The following LDB2 variants were observed in gnomAD, a reference collection of about 807,000 sequenced individuals.
LDB2 encodes the protein LIM domain binding 2, also known as LIM domain-binding protein 2.
A neutral mutation model predicts 44.3 loss-of-function variants in LDB2; 12 were observed. The observed-to-expected ratio is 0.27, with a 90% CI of 0.17 to 0.44. LDB2 has a LOEUF of 0.44. Ranked by LOEUF, LDB2 falls within the 20% of genes least tolerant of loss-of-function variation. The pLI, the probability that LDB2 is intolerant of heterozygous loss-of-function variation, is 1.00. For synonymous variants in LDB2, 164 were observed against 174.8 expected, an observed-to-expected ratio of 0.94 and a Z score of 0.49; for missense variants, 344 against 473.5, an observed-to-expected ratio of 0.73 and a Z score of 2.54.
At chr4:16,559,300 G>T (rs1041929981) in intron 5 of LDB2, among the ~76,000 whole-genome samples, 3 of 152,168 alleles carry the variant, frequency 2.0e-5, no homozygotes, top group Non-Finnish European at 2.9e-5. Flanking sequence ...ATCCATCAGT[G>T]TGCTGTATTT....
intron 2 of LDB2, among the ~76,000 whole-genome samples, chr4:16,689,092 A>AG (rs1233443781): frequency 3.3e-5 from 5 of 152,204 alleles, no homozygotes; most frequent in Non-Finnish European, 2.9e-5. Context: ...TGGTGATGGA[A>AG]GGGAAAGACA....
intron 2 of LDB2, among the ~76,000 whole-genome samples, chr4:16,658,655 T>C (rs1740600175): frequency 6.6e-6 from 1 of 152,128 alleles, no homozygotes; most frequent in Non-Finnish European, 1.5e-5. Context: ...GACAAACAAA[T>C]ATGCAGGCCA....
At chr4:16,505,733 A>C in intron 7 of LDB2, 2 of 1,102,268 alleles carry the variant, frequency 1.8e-6, no homozygotes, top group East Asian at 2.7e-5. Flanking sequence ...ATATGCCCTC[A>C]GCTCCCCACA....
intron 1 of LDB2, among the ~76,000 whole-genome samples, chr4:16,781,648 CTT>C (rs1237707152): frequency 6.6e-6 from 1 of 152,108 alleles, no homozygotes; most frequent in African/African-American, 2.4e-5. Flanking sequence ...AGTTAAGTAT[CTT>C]TTTCAGAATA....
intron 2 of LDB2, chr4:16,750,708 T>C (rs769022457): frequency 1.3e-5 from 2 of 152,340 alleles, no homozygotes; most frequent in South Asian, 2.1e-4. Flanking sequence ...GGATGCTCAG[T>C]TAAACTTGAG....
intron 2 of LDB2, among the ~76,000 whole-genome samples, chr4:16,706,913 T>C (rs540842885): frequency 1.6e-4 from 24 of 152,302 alleles, no homozygotes; most frequent in Non-Finnish European, 2.8e-4. Context: ...TGTACGAGCA[T>C]AGCCTTTGTT....
At chr4:16,558,552 G>T (rs954263753) in intron 5 of LDB2, among the ~76,000 whole-genome samples, 8 of 152,204 alleles carry the variant, frequency 5.3e-5, no homozygotes, top group Non-Finnish European at 8.8e-5. Context: ...AAGAAATATG[G>T]CACTATGTGA....
At position 16,717,735 on chromosome 4, in the gene LDB2, G is replaced by A. The variant is rs189138745; in HGVS notation, c.235+41423C>T. On this transcript the variant is annotated intron_variant, in intron 2 of 7. Coordinates refer to ENST00000304523, the MANE Select transcript of LDB2 (RefSeq NM_001290.5). ...TCCCCTTGGCTGGACTGATTGTATC[G>A]CTTGGTATTTCGCCCAAATTTCTCC... 3.4e-3 allele frequency among the ~76,000 whole-genome samples: 510 copies of A among 152,134 alleles called. 4 individuals are homozygous for A. Among genetic ancestry groups the A allele is most frequent in the African/African-American group, 0.012 (488 of 41,524 alleles).
intron 2 of LDB2, among the ~76,000 whole-genome samples, chr4:16,604,653 G>C (rs981101935): frequency 2.0e-5 from 3 of 151,716 alleles, no homozygotes; most frequent in Non-Finnish European, 2.9e-5. Flanking sequence ...AGTACTAAAT[G>C]TTGATTTGAG....
chr4:16,553,446 G>C (rs1197561313), intron 5 of LDB2, among the ~76,000 whole-genome samples: 1 of 152,178 alleles, frequency 6.6e-6, no homozygotes, highest in African/African-American at 2.4e-5. Flanking sequence ...ACAGGCATGG[G>C]CCACTGCACC....
intron 5 of LDB2, among the ~76,000 whole-genome samples, chr4:16,571,918 G>A (rs2152401255): frequency 6.6e-6 from 1 of 152,268 alleles, no homozygotes; most frequent in Admixed American, 6.5e-5. Flanking sequence ...TCACATATTT[G>A]TTTATTACCA....
chr4:16,668,404 C>G (rs1019148092), intron 2 of LDB2, among the ~76,000 whole-genome samples: 1 of 152,162 alleles, frequency 6.6e-6, no homozygotes, highest in African/African-American at 2.4e-5. Flanking sequence ...AATCCCTCTC[C>G]GTGATAGCTC....
At chr4:16,877,505 T>C (rs1442688982) in intron 1 of LDB2, among the ~76,000 whole-genome samples, 2 of 152,248 alleles carry the variant, frequency 1.3e-5, no homozygotes, top group Admixed American at 1.3e-4. Flanking sequence ...TAAACTGATG[T>C]GTGTTTATGA....
chr4:16,592,998 ATG>A (rs1378601064), intron 3 of LDB2, among the ~76,000 whole-genome samples: 1 of 152,218 alleles, frequency 6.6e-6, no homozygotes, highest in South Asian at 2.1e-4. Context: ...AGGCTTTATA[ATG>A]TGTGTTTTAA....
At position 16,678,012 on chromosome 4, in the gene LDB2, G is replaced by A. The variant is rs953816175; in HGVS notation, c.235+81146C>T. 2.6e-5 allele frequency among the ~76,000 whole-genome samples: 4 copies of A among 152,204 alleles called. No individual in the cohort carries two copies. The South Asian group carries it at 8.3e-4, about 31-fold the overall frequency. On this transcript the variant is annotated intron_variant, in intron 2 of 7. Coordinates refer to ENST00000304523, the MANE Select transcript of LDB2 (RefSeq NM_001290.5). The stretch of plus-strand genomic sequence containing the variant: ...TCTGCAGCATCTGAAACTTGATTAT[G>A]AGCGGTATTGGTGACTTCCATTTGA...
chr4:16,687,189 T>C (rs13110591), intron 2 of LDB2, among the ~76,000 whole-genome samples: 36,268 of 152,134 alleles, frequency 0.24, 5,217 homozygotes, highest in Non-Finnish European at 0.33. Context: ...ATGGTCGACA[T>C]GTTTATGTTT....
chr4:16,797,576 A>G (rs1776973452), intron 1 of LDB2, among the ~76,000 whole-genome samples: 1 of 152,180 alleles, frequency 6.6e-6, no homozygotes, highest in South Asian at 2.1e-4. Context: ...AATATGACTA[A>G]AGAACTGAAT....
chr4:16,507,331 C>T (rs1356811658), intron 7 of LDB2: 3 of 152,158 alleles, frequency 2.0e-5, no homozygotes, highest in Admixed American at 6.5e-5. Context: ...GAAACAATGG[C>T]CCAAGGAATC....
chr4:16,630,645 A>G (rs1731666152), intron 2 of LDB2, among the ~76,000 whole-genome samples: 1 of 152,228 alleles, frequency 6.6e-6, no homozygotes. Context: ...CAGACTGGCA[A>G]ATTGGATAAA....
Sources: gnomAD v4.1 joint callset for allele counts (sites outside exome capture counted in the v4.1 genomes callset) on GRCh38, gnomAD v4.1.1 for gene constraint, MANE v1.5 for transcripts, NCBI Gene and HGNC (gene_info 2026-07-23, HGNC 2026-07-21) for gene names.